Variants in SLCO1C1 observed in about 807,000 individuals in gnomAD.
The protein encoded by SLCO1C1 is OAT-RP-5.
A neutral mutation model predicts 76.4 loss-of-function variants in SLCO1C1; 70 were observed. That is an observed-to-expected ratio of 0.92 (90% CI 0.76 to 1.12). The LOEUF (loss-of-function observed/expected upper bound fraction) is 1.12. Among genes scored for constraint, SLCO1C1 ranks in the 50% most tolerant of loss-of-function variants. The pLI, the probability that SLCO1C1 is intolerant of heterozygous loss-of-function variation, is 0.00. For missense variants in SLCO1C1, 912 were observed against 823.8 expected (o/e 1.11, Z -1.31); for synonymous variants, 306 against 286.1 (o/e 1.07, Z -0.70).
intron 7 of SLCO1C1, 42 bp from the exon 8 acceptor site, chr12:20,721,762 C>G: frequency 1.9e-6 from 3 of 1,596,538 alleles, no homozygotes; most frequent in Non-Finnish European, 2.6e-6. Flanking sequence ...AACATATTAG[C>G]TTTGCTGTTT....
intron 9 of SLCO1C1, among the ~76,000 whole-genome samples, chr12:20,728,411 G>A (rs1948125641): frequency 6.6e-6 from 1 of 151,918 alleles, no homozygotes. Flanking sequence ...TCAATACAGA[G>A]ACTGTAATAA....
intron 7 of SLCO1C1, among the ~76,000 whole-genome samples, chr12:20,717,655 T>C (rs1351601549): frequency 2.1e-4 from 15 of 70,788 alleles, no homozygotes; most frequent in African/African-American, 1.1e-3. Context: ...CTTCTTTTTT[T>C]TTTTTTTTTT....
intron 3 of SLCO1C1, 74 bp from the exon 4 acceptor site, chr12:20,705,875 T>C (rs368749410): frequency 6.9e-7 from 1 of 1,455,176 alleles, no homozygotes; most frequent in East Asian, 2.3e-5. Flanking sequence ...GTCTGCTGTA[T>C]ACATTCATTC....
At position 20,745,834 on chromosome 12, in the gene SLCO1C1, GA is replaced by G. The variant is rs1283216833; in HGVS notation, c.1798+2476del. Among the ~76,000 whole-genome samples the G allele has an allele frequency of 8.5e-3, 1,174 of 137,852 alleles. 14 individuals are homozygous for G. Among genetic ancestry groups the G allele is most frequent in the African/African-American group, 0.028 (1,046 of 37,632 alleles). The allele number at this position is 137,852 out of a possible 152,430, so 90.4% of individuals were successfully genotyped here. Reference sequence around the variant, plus strand: ...AGCAAGTCTCCATCTAATAAAAAAAGAAAAAAAAAAAGAAATAAAGCTCATT... The same window carrying G: ...AGCAAGTCTCCATCTAATAAAAAAAGAAAAAAAAAAGAAATAAAGCTCATT... On this transcript the variant is annotated intron_variant, in intron 13 of 14. Coordinates refer to ENST00000266509, the MANE Select transcript of SLCO1C1 (RefSeq NM_017435.5).
chr12:20,730,053 A>T (rs1473646386), intron 9 of SLCO1C1, among the ~76,000 whole-genome samples: 1 of 152,186 alleles, frequency 6.6e-6, no homozygotes, highest in African/African-American at 2.4e-5. Flanking sequence ...ACATAGGTAC[A>T]GACAAGGTTA....
intron 13 of SLCO1C1, among the ~76,000 whole-genome samples, chr12:20,749,098 T>G (rs1949177025): frequency 6.6e-6 from 1 of 152,196 alleles, no homozygotes; most frequent in East Asian, 1.9e-4. Context: ...GGTAAACCTT[T>G]ACATAGAAAA....
At chr12:20,701,775 G>A (rs1946539094) in intron 3 of SLCO1C1, among the ~76,000 whole-genome samples, 2 of 151,824 alleles carry the variant, frequency 1.3e-5, no homozygotes, top group South Asian at 4.1e-4. Flanking sequence ...TAAATATGTA[G>A]AAGTATCTTT....
rs1233937559 is a variant in SLCO1C1, at chr12:20,751,022, T to A, written c.1916+230T>A. ...CCCATTTTAAATGAGTAATCATTTT[T>A]AAAATATGACAAAAGTGTCCAGAAT... On this transcript the variant is annotated intron_variant, in intron 14 of 14. Transcript: ENST00000266509. 3.7e-6 allele frequency: 3 copies of A among 800,400 alleles called. No individual in the cohort carries two copies. In the African/African-American group the frequency reaches 5.2e-5, roughly 14 times the overall value. The allele number at this position is 800,400 out of a possible 1,614,324, so 49.6% of individuals were successfully genotyped here.
At chr12:20,738,529 T>C (rs970952151) in intron 11 of SLCO1C1, among the ~76,000 whole-genome samples, 1 of 152,184 alleles carries the variant, frequency 6.6e-6, no homozygotes, top group Non-Finnish European at 1.5e-5. Flanking sequence ...TTTTGACTTA[T>C]TTACAGCAGA....
At chr12:20,698,191 T>C (rs1370599985) in intron 1 of SLCO1C1, among the ~76,000 whole-genome samples, 2 of 152,082 alleles carry the variant, frequency 1.3e-5, no homozygotes, top group East Asian at 3.9e-4. Flanking sequence ...ATTATGTATT[T>C]ATATCTTTGT....
At chr12:20,743,411 G>A in intron 13 of SLCO1C1, 42 bp downstream of exon 13, 1 of 1,477,360 alleles carries the variant, frequency 6.8e-7, no homozygotes, top group Non-Finnish European at 9.4e-7. Context: ...GACACCGTAA[G>A]TGTATTTTGA....
chr12:20,737,933 T>C (rs987581212), intron 11 of SLCO1C1, among the ~76,000 whole-genome samples: 3 of 152,134 alleles, frequency 2.0e-5, no homozygotes, highest in African/African-American at 7.2e-5. Context: ...TTATTTCTCA[T>C]AGTTCTGGAT....
chr12:20,718,834 A>T (rs2120732913), intron 7 of SLCO1C1, among the ~76,000 whole-genome samples: 1 of 152,284 alleles, frequency 6.6e-6, no homozygotes, highest in Non-Finnish European at 1.5e-5. Context: ...CGGAATTTAG[A>T]CTATATTTTT....
At chr12:20,751,655 T>G (rs1157371867) in intron 14 of SLCO1C1, among the ~76,000 whole-genome samples, 1 of 152,134 alleles carries the variant, frequency 6.6e-6, no homozygotes, top group Non-Finnish European at 1.5e-5. Context: ...TAAGGCTGTA[T>G]TAACTGTAAT....
At chr12:20,718,187 A>G (rs1000478961) in intron 7 of SLCO1C1, among the ~76,000 whole-genome samples, 5 of 152,210 alleles carry the variant, frequency 3.3e-5, no homozygotes, top group African/African-American at 1.2e-4. Flanking sequence ...AGATGCGATG[A>G]GCAGTACAGA....
At chr12:20,713,761 T>C (rs1947244811) in intron 5 of SLCO1C1, among the ~76,000 whole-genome samples, 1 of 152,228 alleles carries the variant, frequency 6.6e-6, no homozygotes, top group Non-Finnish European at 1.5e-5. Flanking sequence ...CCTAGCTGCA[T>C]GTGACTATTG....
At chr12:20,727,112 G>T (rs1216491205) in intron 9 of SLCO1C1, among the ~76,000 whole-genome samples, 3 of 152,144 alleles carry the variant, frequency 2.0e-5, no homozygotes, top group African/African-American at 7.2e-5. Context: ...ACTGTTGATG[G>T]GTGACTGATT....
chr12:20,701,178 A>AATT (rs1424600570), intron 2 of SLCO1C1, 140 bp from the exon 3 acceptor site: 34 of 829,104 alleles, frequency 4.1e-5, no homozygotes, highest in Non-Finnish European at 5.2e-5. Flanking sequence ...ACAGTGTTTG[A>AATT]ATTAAAGTTT....
chr12:20,713,182 C>T (rs2120690776), intron 5 of SLCO1C1, among the ~76,000 whole-genome samples: 1 of 151,204 alleles, frequency 6.6e-6, no homozygotes, highest in East Asian at 2.0e-4. Context: ...CGGGTTCACG[C>T]CATTCTCCTG....
Sources: allele counts gnomAD v4.1 joint callset (sites outside exome capture counted in the v4.1 genomes callset), GRCh38; gene constraint gnomAD v4.1.1; transcripts MANE v1.5; gene names NCBI Gene and HGNC (gene_info 2026-07-23, HGNC 2026-07-21).